The following CEACAM16 variants were observed in gnomAD, a reference collection of about 807,000 sequenced individuals.
CEACAM16 encodes the protein CEA cell adhesion molecule 16, tectorial membrane component.
CEACAM16 carries 30 observed loss-of-function variants against 39.4 expected under a neutral mutation model. That is an observed-to-expected ratio of 0.76 (90% CI 0.57 to 1.03). The LOEUF is 1.03. Ranked by LOEUF, CEACAM16 falls within the 50% of genes least tolerant of loss-of-function variation. The pLI is 0.00. For missense variants in CEACAM16, 521 were observed against 585.3 expected (o/e 0.89, Z 1.13); for synonymous variants, 262 against 264.9 (o/e 0.99, Z 0.11).
chr19:44,703,883 A>C lies in CEACAM16; in HGVS notation c.383-135A>C, dbSNP rs1974394102. ...CCTCCAGGATTAGACCTGCCTCCTA[A>C]AACCATTCTTTGTCCCTCCGGCTGA... On this transcript the variant is annotated intron_variant, in intron 3 of 6. Coordinates refer to ENST00000587331, the MANE Select transcript of CEACAM16 (RefSeq NM_001039213.4). 15 of 1,180,630 alleles carry C rather than the reference A, an allele frequency of 1.3e-5. No individual in the cohort carries two copies. In the East Asian group the frequency reaches 3.9e-4, roughly 31 times the overall value. The allele number at this position is 1,180,630 out of a possible 1,614,324, so 73.1% of individuals were successfully genotyped here. A position where few individuals can be genotyped will look rare whatever the true frequency, so the allele number is the denominator to read the frequency against.
chr19:44,703,377 C>T lies in CEACAM16; in HGVS notation c.66C>T (p.Ile22=). The T allele has an allele frequency of 6.2e-7, 1 of 1,611,990 alleles. No homozygotes were observed. Among genetic ancestry groups the T allele is most frequent in the Non-Finnish European group, 8.5e-7 (1 of 1,178,462 alleles). Residue 22 remains isoleucine (I), a synonymous_variant, in exon 3 of 7, where the codon ATC becomes ATT. Transcript: ENST00000587331. Reference sequence around the variant, plus strand: ...CATTCCTGAATGTGGGGGCCGAGATCTCTATCACCCTGGAGCCTGCCCAGC... The same window carrying T: ...CATTCCTGAATGTGGGGGCCGAGATTTCTATCACCCTGGAGCCTGCCCAGC... ...SATFLNVGAE[I]SITLEPAQPS...
In CEACAM16 at chr19:44,708,147, G is replaced by A. The variant is rs1200446314; in HGVS notation, c.1227G>A (p.Gln409=). Reference sequence around the variant, plus strand: ...ACACACTCAAGACTGTCACAGTGCAGGGCAAGACTGAGACACTGGAAGTGG... The same window carrying A: ...ACACACTCAAGACTGTCACAGTGCAAGGCAAGACTGAGACACTGGAAGTGG... ...GRYTLKTVTV[Q]GKTETLEVEL... The change falls in exon 6 of 7, where the codon CAG becomes CAA. Residue 409 remains glutamine (Q), a synonymous_variant. Transcript: ENST00000587331. 1 of 1,593,686 alleles carries A rather than the reference G, an allele frequency of 6.3e-7. No homozygotes were observed. Among genetic ancestry groups the A allele is most frequent in the Non-Finnish European group, 8.6e-7 (1 of 1,166,312 alleles).
intron 1 of CEACAM16, chr19:44,699,555 T>G (rs924570220): frequency 9.0e-5 from 35 of 387,012 alleles, no homozygotes; most frequent in African/African-American, 4.9e-4. Flanking sequence ...TTTTGTATTT[T>G]TAGTAGAGAC....
At chr19:44,709,458 C>A (rs531718146) in intron 6 of CEACAM16, among the ~76,000 whole-genome samples, 3 of 145,108 alleles carry the variant, frequency 2.1e-5, no homozygotes, top group East Asian at 2.1e-4. Flanking sequence ...AGACTGGGAG[C>A]TCCCAGAGTC....
Position 44,701,392 on chromosome 19 carries a change from A to G in CEACAM16, c.-65A>G. On this transcript the variant is annotated 5_prime_UTR_variant, in exon 2 of 7. Coordinates refer to ENST00000587331, the MANE Select transcript of CEACAM16 (RefSeq NM_001039213.4). The surrounding 1 kb of genome is among the most constrained non-coding windows in gnomAD (Gnocchi z 4.0). Reference sequence around the variant, plus strand: ...CGGCAGACGGAGCCGAGCCCCAACCAGGAAGGGAGTCCGAGCACTGGGACT... The same window carrying G: ...CGGCAGACGGAGCCGAGCCCCAACCGGGAAGGGAGTCCGAGCACTGGGACT... The G allele has an allele frequency of 6.5e-7, 1 of 1,527,142 alleles. No homozygotes were observed. Among genetic ancestry groups the G allele is most frequent in the Non-Finnish European group, 8.9e-7 (1 of 1,124,460 alleles). 94.6% of individuals were successfully genotyped at this position (1,527,142 alleles called of 1,614,324 possible).
At chr19:44,702,122 A>G (rs1057384610) in intron 2 of CEACAM16, among the ~76,000 whole-genome samples, 1 of 152,020 alleles carries the variant, frequency 6.6e-6, no homozygotes, top group Non-Finnish European at 1.5e-5. Context: ...GTAAAACCCC[A>G]TCTCTACTAA....
rs1974338522 is a variant in CEACAM16, at chr19:44,701,157, C to T, written c.-96-204C>T. Among the ~76,000 whole-genome samples the T allele has an allele frequency of 6.6e-6, 1 of 152,228 alleles. No homozygotes were observed. The stretch of plus-strand genomic sequence containing the variant: ...CTTTTCCTCTCTTCTCCTCGGTGAC[C>T]TGGTTCCTCTCCCAGTACCAAATCC... On this transcript the variant is annotated intron_variant, in intron 1 of 6. Transcript: ENST00000587331. The surrounding 1 kb of genome is among the most constrained non-coding windows in gnomAD (Gnocchi z 4.0).
At position 44,701,553 on chromosome 19, in the gene CEACAM16, G is replaced by T. The variant is rs1974347703; in HGVS notation, c.37+60G>T. Reference sequence around the variant, plus strand: ...CCCCGAGGACCCCAGGGAGGGGAGGGGACCCCCAGTCTGAGAGAGGGAAGG... The same window carrying T: ...CCCCGAGGACCCCAGGGAGGGGAGGTGACCCCCAGTCTGAGAGAGGGAAGG... On this transcript the variant is annotated intron_variant, in intron 2 of 6. Transcript: ENST00000587331. This position sits in a 1 kb window ranked among gnomAD's most constrained non-coding sequence, Gnocchi z 4.0. 11 of 1,492,730 alleles carry T rather than the reference G, an allele frequency of 7.4e-6. No homozygotes were observed. Among genetic ancestry groups the T allele is most frequent in the Admixed American group, 2.0e-5 (1 of 50,974 alleles). 92.5% of individuals were successfully genotyped at this position (1,492,730 alleles called of 1,614,324 possible). A position where few individuals can be genotyped will look rare whatever the true frequency, so the allele number is the denominator to read the frequency against.
chr19:44,700,916 G>A (rs1974334676), intron 1 of CEACAM16, among the ~76,000 whole-genome samples: 2 of 152,170 alleles, frequency 1.3e-5, no homozygotes, highest in Non-Finnish European at 2.9e-5. Context: ...TCCCCACCTA[G>A]CTCATCTCCA....
At position 44,701,251 on chromosome 19, in the gene CEACAM16, G is replaced by C. The variant is rs1453106871; in HGVS notation, c.-96-110G>C. On this transcript the variant is annotated intron_variant, in intron 1 of 6. Coordinates refer to ENST00000587331, the MANE Select transcript of CEACAM16 (RefSeq NM_001039213.4). This position sits in a 1 kb window ranked among gnomAD's most constrained non-coding sequence, Gnocchi z 4.0. ...CTGCCCAGGTCACGGCCTCTGGCCG[G>C]TGCCCGCCACACCCACCCTGGTACC... The C allele has an allele frequency of 3.0e-6, 2 of 656,368 alleles. No individual in the cohort carries two copies. Among genetic ancestry groups the C allele is most frequent in the East Asian group, 2.7e-5 (1 of 36,854 alleles). 40.7% of individuals were successfully genotyped at this position (656,368 alleles called of 1,614,324 possible).
rs1360460214 is a variant in CEACAM16 at position 44,704,030 on chromosome 19, A to G, written c.395A>G (p.Gln132Arg). 8 of 1,594,676 alleles carry G rather than the reference A, an allele frequency of 5.0e-6. No homozygotes were observed. The highest frequency in any genetic ancestry group is 6.9e-6 in the Non-Finnish European group (8 of 1,167,160). Reference protein sequence around the residue: ...GHVQVHEILAQPTVLANSTAL... With the variant: ...GHVQVHEILARPTVLANSTAL... ...CTTGCCCCCACAGAGATCCTGGCCCAGCCCACAGTCTTGGCCAACAGCACA... is the reference window on the plus strand; with the variant it reads ...CTTGCCCCCACAGAGATCCTGGCCCGGCCCACAGTCTTGGCCAACAGCACA... The change falls in exon 4 of 7, where the codon CAG becomes CGG. Residue 132 changes from glutamine (Q) to arginine (R), a missense_variant. Coordinates refer to ENST00000587331, the MANE Select transcript of CEACAM16 (RefSeq NM_001039213.4).
At chr19:44,705,962 A>G in intron 5 of CEACAM16, 94 bp downstream of exon 5, 2 of 1,386,034 alleles carry the variant, frequency 1.4e-6, no homozygotes, top group Non-Finnish European at 2.0e-6. Flanking sequence ...AGAGAATTGG[A>G]ACATGGTAGA....
intron 5 of CEACAM16, among the ~76,000 whole-genome samples, chr19:44,706,269 T>TACACACACACACACACAC (rs57354088): frequency 1.5e-5 from 2 of 132,700 alleles, no homozygotes; most frequent in African/African-American, 2.8e-5. Flanking sequence ...ATGATGGGTA[T>TACACACACACACACACAC]ACACACACAC....
intron 2 of CEACAM16, among the ~76,000 whole-genome samples, chr19:44,703,097 T>C (rs1220673612): frequency 1.3e-5 from 2 of 152,180 alleles, no homozygotes; most frequent in Non-Finnish European, 2.9e-5. Context: ...GTCATCCCCA[T>C]GTGAGAGTTG....
Position 44,701,635 on chromosome 19 carries a change from GT to G in CEACAM16, c.37+145del. 1.2e-6 allele frequency: 1 copy of G among 824,036 alleles called. No individual in the cohort carries two copies. The allele number at this position is 824,036 out of a possible 1,614,324, so 51.0% of individuals were successfully genotyped here. ...AGGGCAGCCCTGCTTCACACCGGCA[GT>G]TTACCCCTCCAAGAGGCATCTGCAT... is the stretch of plus-strand genomic sequence containing the variant. On this transcript the variant is annotated intron_variant, in intron 2 of 6. Transcript: ENST00000587331. The surrounding 1 kb of genome is among the most constrained non-coding windows in gnomAD (Gnocchi z 4.0).
rs929810547 is a variant in CEACAM16 at position 44,701,352 on chromosome 19, C to A, written c.-96-9C>A. ...TCTCCCCTGGCTCCAAATCACCAAA[C>A]CCTCCCAGGTCCTGCGGCAGACGGA... is the stretch of plus-strand genomic sequence containing the variant. On this transcript the variant is annotated splice_polypyrimidine_tract_variant and intron_variant, in intron 1 of 6. Transcript: ENST00000587331. The surrounding 1 kb of genome is among the most constrained non-coding windows in gnomAD (Gnocchi z 4.0). The A allele has an allele frequency of 1.1e-5, 14 of 1,259,690 alleles. No homozygotes were observed. The highest frequency in any genetic ancestry group is 1.0e-4 in the African/African-American group (7 of 67,346). The allele number at this position is 1,259,690 out of a possible 1,614,324, so 78.0% of individuals were successfully genotyped here. A position where few individuals can be genotyped will look rare whatever the true frequency, so the allele number is the denominator to read the frequency against.
chr19:44,704,367 G>A lies in CEACAM16; in HGVS notation c.661+71G>A, dbSNP rs893502203. On this transcript the variant is annotated intron_variant, in intron 4 of 6. Coordinates refer to ENST00000587331, the MANE Select transcript of CEACAM16 (RefSeq NM_001039213.4). ...ATGGATGGGGAAACTGAGGCCAGGA[G>A]AGGGGGCCTAAGGGCACACAGCGAG... 3.5e-6 allele frequency: 5 copies of A among 1,431,432 alleles called. No homozygotes were observed. The South Asian group carries it at 4.4e-5, about 13-fold the overall frequency. 88.7% of individuals were successfully genotyped at this position (1,431,432 alleles called of 1,614,324 possible). A position where few individuals can be genotyped will look rare whatever the true frequency, so the allele number is the denominator to read the frequency against.
intron 6 of CEACAM16, 139 bp downstream of exon 6, chr19:44,708,326 T>G: frequency 1.1e-6 from 1 of 897,480 alleles, no homozygotes; most frequent in Non-Finnish European, 1.6e-6. Flanking sequence ...GGAAGCAGCC[T>G]TGTCTCCTCC....
At position 44,707,897 on chromosome 19, in the gene CEACAM16, C is replaced by T. The variant is rs770608916; in HGVS notation, c.977C>T (p.Thr326Ile). 7.7e-6 allele frequency: 12 copies of T among 1,565,536 alleles called. No homozygotes were observed. Among genetic ancestry groups the T allele is most frequent in the Non-Finnish European group, 8.7e-6 (10 of 1,146,654 alleles). The part of the protein sequence containing the change: ...AVATMIVPVP[T>I]KPTEGQDVTL... ...GCCACGATGATCGTGCCCGTGCCCA[C>T]CAAGCCAACGGAGGGCCAGGACGTA... The change falls in exon 6 of 7, where the codon ACC becomes ATC. Residue 326 changes from threonine to isoleucine, a missense_variant. Coordinates refer to ENST00000587331, the MANE Select transcript of CEACAM16 (RefSeq NM_001039213.4).
Sources: gnomAD v4.1 joint callset for allele counts (sites outside exome capture counted in the v4.1 genomes callset) on GRCh38, gnomAD v4.1.1 for gene constraint, Gnocchi (gnomAD v3.1) non-coding constraint, MANE v1.5 for transcripts, NCBI Gene and HGNC (gene_info 2026-07-23, HGNC 2026-07-21) for gene names.